Variants in DLG2 observed in about 807,000 individuals in gnomAD.
DLG2 encodes discs large MAGUK scaffold protein 2, also known as disks large homolog 2.
Under a neutral mutation model 132.5 loss-of-function variants are expected in DLG2, and 45 were observed. The observed-to-expected ratio is 0.34, with a 90% confidence interval of 0.27 to 0.44. The LOEUF (loss-of-function observed/expected upper bound fraction) is 0.44. Ranked by LOEUF, DLG2 falls within the 20% of genes least tolerant of loss-of-function variation. DLG2 has a pLI of 1.00. For missense variants in DLG2, 1,045 were observed against 1,196.9 expected, an observed-to-expected ratio of 0.87 and a Z score of 1.87; for synonymous variants, 424 against 419.6, an observed-to-expected ratio of 1.01 and a Z score of -0.13.
At chr11:83,573,711 T>C (rs143099506) in intron 19 of DLG2, among the ~76,000 whole-genome samples, 2 of 152,292 alleles carry the variant, frequency 1.3e-5, no homozygotes, top group African/African-American at 4.8e-5. Flanking sequence ...TTTGCTAAAA[T>C]GTAGGAAACT....
At chr11:84,605,038 T>G (rs2099582948) in intron 6 of DLG2, among the ~76,000 whole-genome samples, 2 of 151,924 alleles carry the variant, frequency 1.3e-5, no homozygotes, top group South Asian at 4.1e-4. Context: ...GGTATTTGTT[T>G]TGGTTTGTTT....
chr11:84,668,353 T>C (rs1018936536), intron 6 of DLG2, among the ~76,000 whole-genome samples: 5 of 152,180 alleles, frequency 3.3e-5, no homozygotes, highest in African/African-American at 7.2e-5. Flanking sequence ...CTTTAAGCAA[T>C]TGAGTTTAAA....
intron 15 of DLG2, among the ~76,000 whole-genome samples, chr11:83,890,879 G>A (rs1745881579): frequency 6.6e-6 from 1 of 152,134 alleles, no homozygotes; most frequent in African/African-American, 2.4e-5. Context: ...GCAATTGCAT[G>A]TGGTGTGTGA....
chr11:84,694,326 G>A (rs1176757752), intron 6 of DLG2, among the ~76,000 whole-genome samples: 2 of 151,648 alleles, frequency 1.3e-5, no homozygotes, highest in East Asian at 3.9e-4. Flanking sequence ...AAATGTTCAT[G>A]TGAGCACTTG....
intron 6 of DLG2, among the ~76,000 whole-genome samples, chr11:84,986,146 C>T (rs2056463083): frequency 6.6e-6 from 1 of 151,738 alleles, no homozygotes; most frequent in South Asian, 2.1e-4. Flanking sequence ...CACAGAGTTA[C>T]AAAAGATCAT....
intron 6 of DLG2, among the ~76,000 whole-genome samples, chr11:85,061,140 G>C (rs1390814379): frequency 5.3e-5 from 8 of 151,666 alleles, no homozygotes; most frequent in African/African-American, 1.9e-4. Flanking sequence ...CTTTACAAGT[G>C]ATGTGATTTG....
chr11:83,770,263 TTG>T (rs2094336864), intron 18 of DLG2, among the ~76,000 whole-genome samples: 2 of 147,030 alleles, frequency 1.4e-5, no homozygotes, highest in Non-Finnish European at 2.9e-5. Context: ...GTGTTTTTTT[TTG>T]TTTTTTTGCT....
At chr11:85,577,408 G>A (rs79996699) in intron 3 of DLG2, among the ~76,000 whole-genome samples, 1 of 152,068 alleles carries the variant, frequency 6.6e-6, no homozygotes, top group African/African-American at 2.4e-5. Flanking sequence ...AGAAAAATCA[G>A]TGATGTTGCC....
chr11:84,217,745 G>A (rs1042036723), intron 8 of DLG2, among the ~76,000 whole-genome samples: 6 of 152,198 alleles, frequency 3.9e-5, no homozygotes, highest in Admixed American at 2.0e-4. Flanking sequence ...TTCATTGTGA[G>A]TTTTTAAGAG....
chr11:83,705,276 C>T (rs2083719499), intron 18 of DLG2, among the ~76,000 whole-genome samples: 1 of 151,964 alleles, frequency 6.6e-6, no homozygotes, highest in Non-Finnish European at 1.5e-5. Context: ...CATGTGATTG[C>T]CTAAAAATCA....
intron 14 of DLG2, among the ~76,000 whole-genome samples, chr11:83,953,972 G>T (rs547855938): frequency 6.6e-6 from 1 of 152,272 alleles, no homozygotes; most frequent in Non-Finnish European, 1.5e-5. Flanking sequence ...CATTAAAAAT[G>T]TAATGCAACA....
Position 85,154,151 on chromosome 11 carries a change from A to AC in DLG2, c.282+404_282+405insG, listed in dbSNP as rs2077444979. On this transcript the variant is annotated intron_variant, in intron 5 of 27. Coordinates refer to ENST00000376104, the MANE Select transcript of DLG2 (RefSeq NM_001142699.3). ...TCTTTTGGAGAAAAAAAAAAAAAAA[A>AC]AAAAAAAAAACAGTCTCATTGCCAA... Among the ~76,000 whole-genome samples the AC allele has an allele frequency of 6.6e-5, 10 of 151,400 alleles. 1 individual carries two copies. The South Asian group carries it at 2.1e-3, about 32-fold the overall frequency.
At position 83,459,747 on chromosome 11, in the gene DLG2, C is replaced by T. The variant is rs2089524041; in HGVS notation, c.*71G>A. 7.4e-6 allele frequency: 6 copies of T among 808,470 alleles called. No homozygotes were observed. Among genetic ancestry groups the T allele is most frequent in the Non-Finnish European group, 1.1e-5 (5 of 473,476 alleles). The allele number at this position is 808,470 out of a possible 1,614,324, so 50.1% of individuals were successfully genotyped here. ...AATGCAACAAAAACATAAAAGCCTC[C>T]AAGTAGTATGTTATATATATTTTGT... is the stretch of plus-strand genomic sequence containing the variant. On this transcript the variant is annotated 3_prime_UTR_variant, in exon 28 of 28. Coordinates refer to ENST00000376104, the MANE Select transcript of DLG2 (RefSeq NM_001142699.3).
intron 3 of DLG2, among the ~76,000 whole-genome samples, chr11:85,313,964 CT>C (rs2080478104): frequency 6.6e-6 from 1 of 151,958 alleles, no homozygotes; most frequent in Non-Finnish European, 1.5e-5. Context: ...ACAACTCCCT[CT>C]GTGTTTAAAA....
chr11:83,793,147 A>G (rs1178081429), intron 17 of DLG2, among the ~76,000 whole-genome samples: 1 of 152,112 alleles, frequency 6.6e-6, no homozygotes, highest in Non-Finnish European at 1.5e-5. Context: ...CTTTCAAAAA[A>G]TTATCTGCAA....
chr11:85,524,866 T>G (rs1257271649), intron 3 of DLG2: 1 of 152,058 alleles, frequency 6.6e-6, no homozygotes, highest in Non-Finnish European at 1.5e-5. Context: ...AAAAAGAAAT[T>G]ATTGTTTCAG....
At chr11:83,729,910 T>A (rs544367593) in intron 18 of DLG2, among the ~76,000 whole-genome samples, 14 of 152,178 alleles carry the variant, frequency 9.2e-5, no homozygotes, top group Non-Finnish European at 1.6e-4. Context: ...GCATGATACT[T>A]TATACACAAT....
chr11:84,630,579 T>C (rs1180924641), intron 6 of DLG2, among the ~76,000 whole-genome samples: 1 of 152,216 alleles, frequency 6.6e-6, no homozygotes, highest in Non-Finnish European at 1.5e-5. Flanking sequence ...ATCTATTAAA[T>C]AGAGCCACTG....
At chr11:83,685,957 C>G (rs534770547) in intron 18 of DLG2, among the ~76,000 whole-genome samples, 33 of 152,112 alleles carry the variant, frequency 2.2e-4, no homozygotes, top group Non-Finnish European at 4.1e-4. Flanking sequence ...CACCCCATGC[C>G]TTATTCATCA....
Sources: allele counts gnomAD v4.1 joint callset (sites outside exome capture counted in the v4.1 genomes callset), GRCh38; gene constraint gnomAD v4.1.1; transcripts MANE v1.5; gene names NCBI Gene and HGNC (gene_info 2026-07-23, HGNC 2026-07-21).